MAML1: variants seen among roughly 807,000 people sequenced by gnomAD.
The protein encoded by MAML1 is mastermind-like protein 1.
A neutral mutation model predicts 77.1 loss-of-function variants in MAML1; 14 were observed. The observed-to-expected ratio is 0.18, with a 90% CI of 0.12 to 0.28. The LOEUF is 0.28. Among genes scored for constraint, MAML1 ranks in the 10% least tolerant of loss-of-function variants. MAML1 has a pLI of 1.00. For synonymous variants in MAML1, 516 were observed against 551.9 expected (o/e 0.93, Z 0.91); for missense variants, 1,217 against 1,327.8 (o/e 0.92, Z 1.30).
chr5:179,753,536 T>TA (rs1779546491), intron 1 of MAML1, among the ~76,000 whole-genome samples: 3 of 151,982 alleles, frequency 2.0e-5, no homozygotes, highest in Admixed American at 1.3e-4. Context: ...GTTCTGGACT[T>TA]ACACACCGAG....
chr5:179,760,755 A>C lies in MAML1; in HGVS notation c.316-4571A>C, dbSNP rs541756317. Among the ~76,000 whole-genome samples the C allele has an allele frequency of 5.6e-4, 86 of 152,298 alleles. 2 individuals carry two copies. In the East Asian group the frequency reaches 0.016, roughly 29 times the overall value. On this transcript the variant is annotated intron_variant, in intron 1 of 4. Coordinates refer to ENST00000292599, the MANE Select transcript of MAML1 (RefSeq NM_014757.5). Reference sequence around the variant, plus strand: ...ACTAGAAACAACCAACCATAAAAGCAGAAGAGGATACAAGAAAAGTGGTAA... The same window carrying C: ...ACTAGAAACAACCAACCATAAAAGCCGAAGAGGATACAAGAAAAGTGGTAA...
At chr5:179,746,590 C>T (rs1168511830) in intron 1 of MAML1, among the ~76,000 whole-genome samples, 5 of 151,934 alleles carry the variant, frequency 3.3e-5, no homozygotes, top group African/African-American at 9.7e-5. Flanking sequence ...TCAGGCTGGT[C>T]TTGAACTCCC....
At chr5:179,758,577 A>G (rs1779669478) in intron 1 of MAML1, among the ~76,000 whole-genome samples, 1 of 151,834 alleles carries the variant, frequency 6.6e-6, no homozygotes, top group African/African-American at 2.4e-5. Flanking sequence ...TTTTTTAGAA[A>G]TGGCGTCTCA....
intron 1 of MAML1, among the ~76,000 whole-genome samples, chr5:179,760,051 C>T (rs1347167208): frequency 6.6e-6 from 1 of 152,100 alleles, no homozygotes; most frequent in African/African-American, 2.4e-5. Context: ...GGAAACAGGA[C>T]TGGGGAGAGG....
intron 1 of MAML1, among the ~76,000 whole-genome samples, chr5:179,737,455 A>G (rs1562544067): frequency 1.3e-5 from 2 of 152,178 alleles, no homozygotes; most frequent in African/African-American, 4.8e-5. Context: ...GCAGAAAGAG[A>G]TGGAAAGAAG....
At chr5:179,740,849 T>G (rs918118691) in intron 1 of MAML1, among the ~76,000 whole-genome samples, 1 of 152,110 alleles carries the variant, frequency 6.6e-6, no homozygotes, top group African/African-American at 2.4e-5. Flanking sequence ...TTGAGAAACT[T>G]TCTTTGCACT....
At chr5:179,748,659 C>A (rs923752387) in intron 1 of MAML1, among the ~76,000 whole-genome samples, 1 of 152,176 alleles carries the variant, frequency 6.6e-6, no homozygotes, top group Non-Finnish European at 1.5e-5. Flanking sequence ...CATGAGCCAA[C>A]AGATTAAAAC....
Position 179,771,445 on chromosome 5 carries a change from A to G in MAML1, c.2068+202A>G, listed in dbSNP as rs1755988991. Among the ~76,000 whole-genome samples the G allele has an allele frequency of 6.6e-6, 1 of 152,232 alleles. No homozygotes were observed. Among genetic ancestry groups the G allele is most frequent in the African/African-American group, 2.4e-5 (1 of 41,466 alleles). The stretch of plus-strand genomic sequence containing the variant: ...GAAGAGGGCACAGAGGCAAACCACT[A>G]GAACTACCTTTGCTGGGTCCCTGGC... On this transcript the variant is annotated intron_variant, in intron 4 of 4. Coordinates refer to ENST00000292599, the MANE Select transcript of MAML1 (RefSeq NM_014757.5). The surrounding 1 kb of genome is among the most constrained non-coding windows in gnomAD (Gnocchi z 4.7).
intron 1 of MAML1, among the ~76,000 whole-genome samples, chr5:179,755,737 T>G (rs1349879050): frequency 6.6e-6 from 1 of 151,818 alleles, no homozygotes; most frequent in Non-Finnish European, 1.5e-5. Flanking sequence ...CTACTATTAT[T>G]GTTAGCTTAT....
chr5:179,764,966 C>G (rs933002619), intron 1 of MAML1, among the ~76,000 whole-genome samples: 14 of 142,886 alleles, frequency 9.8e-5, no homozygotes, highest in Admixed American at 3.1e-4. Flanking sequence ...GGCTCCATCT[C>G]AAAACATATA....
rs530312247 is a variant in MAML1 at position 179,767,647 on chromosome 5, G to C, written c.1731+906G>C. On this transcript the variant is annotated intron_variant, in intron 2 of 4. Coordinates refer to ENST00000292599, the MANE Select transcript of MAML1 (RefSeq NM_014757.5). Reference sequence around the variant, plus strand: ...CTGATAATTCCACTTACTTCAGCCAGTAAGATGTCTCACGCCGTTCAGCAC... The same window carrying C: ...CTGATAATTCCACTTACTTCAGCCACTAAGATGTCTCACGCCGTTCAGCAC... Among the ~76,000 whole-genome samples, 10 of 152,328 alleles carry C rather than the reference G, an allele frequency of 6.6e-5. No individual in the cohort carries two copies. In the East Asian group the frequency reaches 1.3e-3, roughly 21 times the overall value.
intron 1 of MAML1, among the ~76,000 whole-genome samples, chr5:179,745,613 C>T (rs1387832253): frequency 2.0e-5 from 3 of 151,604 alleles, no homozygotes; most frequent in Non-Finnish European, 4.4e-5. Flanking sequence ...GTAATCCCAG[C>T]ACTTTGGGAG....
At position 179,771,151 on chromosome 5, in the gene MAML1, A is replaced by G. The variant is rs1407646685; in HGVS notation, c.1976A>G (p.Lys659Arg). Residue 659 changes from lysine (K) to arginine (R), a missense_variant, in exon 4 of 5, where the codon AAG becomes AGG. Physicochemically the swap from Lys to Arg is conservative, Grantham distance 26 (BLOSUM62 2). Transcript: ENST00000292599. This position sits in a 1 kb window ranked among gnomAD's most constrained non-coding sequence, Gnocchi z 4.7. Reference protein sequence around the residue: ...RQQHLLAEQEKQQFQRHLTRP... With the variant: ...RQQHLLAEQERQQFQRHLTRP... The stretch of plus-strand genomic sequence containing the variant: ...GTTGTTCTTGGCATTTTCTAGGAGA[A>G]GCAACAGTTTCAGCGCCATCTGACC... 1.2e-6 allele frequency: 2 copies of G among 1,613,932 alleles called. No homozygotes were observed.
chr5:179,734,983 G>A (rs182101446), intron 1 of MAML1, among the ~76,000 whole-genome samples: 1 of 152,058 alleles, frequency 6.6e-6, no homozygotes, highest in East Asian at 1.9e-4. Context: ...GCCGCCCCCA[G>A]GATTCTTTTA....
In MAML1 at chr5:179,766,746, G is replaced by C; in HGVS notation, c.1731+5G>C. ...TCACTGGTTCCACCTGGCCAGGTAA[G>C]TATGAGCCTTTGCTTTCTGTTCCTC... On this transcript the variant is annotated splice_donor_5th_base_variant and intron_variant, in intron 2 of 4. Transcript: ENST00000292599. This position sits in a 1 kb window ranked among gnomAD's most constrained non-coding sequence, Gnocchi z 4.0. 1 of 1,524,270 alleles carries C rather than the reference G, an allele frequency of 6.6e-7. No homozygotes were observed. Among genetic ancestry groups the C allele is most frequent in the Non-Finnish European group, 8.8e-7 (1 of 1,134,892 alleles). 94.4% of individuals were successfully genotyped at this position (1,524,270 alleles called of 1,614,324 possible).
chr5:179,755,890 G>A (rs1241793583), intron 1 of MAML1, among the ~76,000 whole-genome samples: 5 of 151,244 alleles, frequency 3.3e-5, no homozygotes, highest in African/African-American at 1.2e-4. Flanking sequence ...TCAGCCTCCC[G>A]AGTAGCTGAG....
At chr5:179,762,478 C>T (rs550319041) in intron 1 of MAML1, among the ~76,000 whole-genome samples, 3 of 152,142 alleles carry the variant, frequency 2.0e-5, no homozygotes, top group Admixed American at 2.0e-4. Flanking sequence ...GTTCTCCAGC[C>T]GACCACGAGC....
intron 1 of MAML1, among the ~76,000 whole-genome samples, chr5:179,748,710 C>T (rs1562554628): frequency 6.6e-6 from 1 of 152,202 alleles, no homozygotes; most frequent in Non-Finnish European, 1.5e-5. Context: ...AATAGACCTG[C>T]ACCAGGCATG....
intron 3 of MAML1, among the ~76,000 whole-genome samples, chr5:179,770,328 G>T (rs979555764): frequency 6.6e-6 from 1 of 152,100 alleles, no homozygotes; most frequent in Admixed American, 6.5e-5. Context: ...GGCGCCTGTA[G>T]TCCCAGCTAC....
Sources: gnomAD v4.1 joint callset for allele counts (sites outside exome capture counted in the v4.1 genomes callset) on GRCh38, gnomAD v4.1.1 for gene constraint, Gnocchi (gnomAD v3.1) non-coding constraint, MANE v1.5 for transcripts, NCBI Gene and HGNC (gene_info 2026-07-23, HGNC 2026-07-21) for gene names.